SCNN1A: variants seen among roughly 807,000 people sequenced by gnomAD.
SCNN1A encodes the protein sodium channel epithelial 1 subunit alpha, also known as epithelial sodium channel subunit alpha.
Under a neutral mutation model 68.6 loss-of-function variants are expected in SCNN1A, and 65 were observed. The ratio of observed to expected loss-of-function variants is 0.95; its 90% CI spans 0.78 to 1.16. SCNN1A has a LOEUF of 1.16. Among genes scored for constraint, SCNN1A ranks in the 50% most tolerant of loss-of-function variants. The pLI, the probability that SCNN1A is intolerant of heterozygous loss-of-function variation, is 0.00. For missense variants in SCNN1A, 880 were observed against 865.9 expected (o/e 1.02, Z -0.20); for synonymous variants, 357 against 353.3 (o/e 1.01, Z -0.12).
chr12:6,374,457 G>T lies in SCNN1A; in HGVS notation c.327C>A (p.Tyr109Ter). ...YWQFGLLFGE[Y>*]FSYPVSLNIN... ...TGTTGAGGCTGACGGGGTAGCTGAA[G>T]TACTCTCCGAAAAGCAGGCCGAATT... Residue 109 changes from tyrosine (Y) to a stop codon, truncating the protein, a stop_gained, in exon 2 of 13, where the codon TAC becomes TAA. Transcript: ENST00000228916. LOFTEE classifies it high-confidence loss of function. The surrounding 1 kb of genome is among the most constrained non-coding windows in gnomAD (Gnocchi z 6.2). The T allele has an allele frequency of 6.2e-7, 1 of 1,614,238 alleles. No homozygotes were observed. Among genetic ancestry groups the T allele is most frequent in the Non-Finnish European group, 8.5e-7 (1 of 1,180,030 alleles).
chr12:6,363,513 C>T lies in SCNN1A; in HGVS notation c.614G>A (p.Ser205Asn), dbSNP rs147866964. ...PPPHGARRAR[S>N]VASSLRDNNP... ...GTTGTCCCGCAAGCTGGAGGCCACG[C>T]TACGGGCTCGACGGGCCCCGTGAGG... The change falls in exon 3 of 13, where the codon AGC becomes AAC. Residue 205 changes from serine (S) to asparagine (N), a missense_variant. Coordinates refer to ENST00000228916, the MANE Select transcript of SCNN1A (RefSeq NM_001038.6). 1.9e-4 allele frequency: 311 copies of T among 1,609,166 alleles called. No individual in the cohort carries two copies. In the African/African-American group the frequency reaches 3.6e-3, roughly 18 times the overall value.
intron 4 of SCNN1A, 119 bp downstream of exon 4, chr12:6,361,932 C>T: frequency 8.8e-7 from 1 of 1,136,554 alleles, no homozygotes; most frequent in Non-Finnish European, 1.3e-6. Context: ...CCCTGGCCTG[C>T]TGGCACTGGC....
At chr12:6,355,588 C>A (rs1486570810) in intron 5 of SCNN1A, among the ~76,000 whole-genome samples, 153 bp from the exon 6 acceptor site, 1 of 152,190 alleles carries the variant, frequency 6.6e-6, no homozygotes, top group Non-Finnish European at 1.5e-5. Flanking sequence ...AACCCCTGAG[C>A]TGGAATCTGG....
rs534759006 is a variant in SCNN1A at position 6,357,981 on chromosome 12, A to G, written c.876-2101T>C. 2.6e-4 allele frequency among the ~76,000 whole-genome samples: 40 copies of G among 152,318 alleles called. No homozygotes were observed. In the South Asian group the frequency reaches 6.6e-3, roughly 25 times the overall value. Reference sequence around the variant, plus strand: ...CCATTGCACTCCAGCCTGGCCAGTAAGAGTGAAACTCCGTCTCCAAAAGAA... The same window carrying G: ...CCATTGCACTCCAGCCTGGCCAGTAGGAGTGAAACTCCGTCTCCAAAAGAA... On this transcript the variant is annotated intron_variant, in intron 4 of 12. Transcript: ENST00000228916.
At position 6,348,777 on chromosome 12, in the gene SCNN1A, A is replaced by C. The variant is rs752700795; in HGVS notation, c.1579T>G (p.Phe527Val). The change falls in exon 12 of 13, where the codon TTC (phenylalanine) becomes GTC (valine). Residue 527 changes from phenylalanine (F) to valine (V), a missense_variant. Transcript: ENST00000228916. ...GTTTTGTAGTTCAGCTCCTTGAAGA[A>C]GATGTTGACTTTGGCCACTCCATTT... ...KRNGVAKVNI[F>V]FKELNYKTNS... 1 of 1,613,878 alleles carries C rather than the reference A, an allele frequency of 6.2e-7. No individual in the cohort carries two copies. The highest frequency in any genetic ancestry group is 1.1e-5 in the South Asian group (1 of 91,036).
chr12:6,373,018 A>G (rs1948820739), intron 2 of SCNN1A, among the ~76,000 whole-genome samples: 1 of 152,192 alleles, frequency 6.6e-6, no homozygotes, highest in South Asian at 2.1e-4. Context: ...AGATGTGAGA[A>G]TGAAATGAGA....
At chr12:6,358,011 A>AG (rs1360356429) in intron 4 of SCNN1A, among the ~76,000 whole-genome samples, 1 of 152,200 alleles carries the variant, frequency 6.6e-6, no homozygotes, top group Non-Finnish European at 1.5e-5. Flanking sequence ...AAAGAAAAAA[A>AG]AAGAGCACAG....
At chr12:6,354,927 T>G in intron 6 of SCNN1A, 79 bp from the exon 7 acceptor site, 1 of 1,181,840 alleles carries the variant, frequency 8.5e-7, no homozygotes, top group East Asian at 2.3e-5. Context: ...AGTTCCAGGT[T>G]GTATCTCACA....
intron 8 of SCNN1A, among the ~76,000 whole-genome samples, chr12:6,350,302 G>C (rs921767928): frequency 3.3e-5 from 5 of 151,264 alleles, no homozygotes; most frequent in Non-Finnish European, 5.9e-5. Flanking sequence ...CGTGGTGGCG[G>C]GCGCCTGTAG....
intron 4 of SCNN1A, among the ~76,000 whole-genome samples, chr12:6,358,890 C>G (rs940466487): frequency 1.4e-5 from 2 of 147,128 alleles, no homozygotes; most frequent in African/African-American, 2.5e-5. Flanking sequence ...GGTGGTGTAT[C>G]TACACAATAT....
chr12:6,367,107 G>A (rs1246712019), intron 2 of SCNN1A, among the ~76,000 whole-genome samples: 1 of 152,068 alleles, frequency 6.6e-6, no homozygotes, highest in East Asian at 1.9e-4. Context: ...ATGTGGTGGT[G>A]CACACCTGTA....
chr12:6,376,457 G>T (rs1332876745), upstream of SCNN1A, among the ~76,000 whole-genome samples: 1 of 152,210 alleles, frequency 6.6e-6, no homozygotes, highest in East Asian at 1.9e-4. Flanking sequence ...ACACAGACCC[G>T]GAGCCCAGGA....
At chr12:6,376,168 C>G, upstream of SCNN1A, 3 of 985,824 alleles carry the variant, frequency 3.0e-6, no homozygotes, top group Non-Finnish European at 3.6e-6. Context: ...AGGTCTCCTC[C>G]CCGCTCACTA....
intron 4 of SCNN1A, among the ~76,000 whole-genome samples, chr12:6,356,643 T>A (rs1423767620): frequency 6.6e-6 from 1 of 152,044 alleles, no homozygotes; most frequent in African/African-American, 2.4e-5. Flanking sequence ...GAGAAAGCAA[T>A]CACAGAGGCA....
In SCNN1A at chr12:6,349,405, C is replaced by A. The variant is rs72657557; in HGVS notation, c.1361G>T (p.Gly454Val). Residue 454 changes from glycine to valine, a missense_variant and splice_region_variant, in exon 9 of 13, where the codon GGG (glycine) becomes GTG (valine). Gly to Val is a moderately radical substitution (Grantham distance 109). This residue lies in a region of SCNN1A where 758 missense variants were observed against 721.8 expected (regional missense o/e 1.05). Coordinates refer to ENST00000228916, the MANE Select transcript of SCNN1A (RefSeq NM_001038.6). Reference protein sequence around the residue: ...YCDYRKHSSWGYCYYKLQVDF... With the variant: ...YCDYRKHSSWVYCYYKLQVDF... Reference sequence around the variant, plus strand: ...AACCTGGAGCTTATAGTAGCAGTACCCTGTGGGTACAGAGAGATGCCTGTT... The same window carrying A: ...AACCTGGAGCTTATAGTAGCAGTACACTGTGGGTACAGAGAGATGCCTGTT... The A allele has an allele frequency of 2.5e-5, 40 of 1,581,848 alleles. No individual in the cohort carries two copies. In the African/African-American group the frequency reaches 4.7e-4, roughly 19 times the overall value.
At position 6,372,671 on chromosome 12, in the gene SCNN1A, A is replaced by T. The variant is rs1186505037; in HGVS notation, c.416+1697T>A. 6.6e-6 allele frequency among the ~76,000 whole-genome samples: 1 copy of T among 152,106 alleles called. No homozygotes were observed. The highest frequency in any genetic ancestry group is 2.4e-5 in the African/African-American group (1 of 41,414). ...AACCACAAATATTTATTGAGTGCCC[A>T]CTGCCCCGCCTGCTGTCCTTCCCCT... On this transcript the variant is annotated intron_variant, in intron 2 of 12. Coordinates refer to ENST00000228916, the MANE Select transcript of SCNN1A (RefSeq NM_001038.6). The surrounding 1 kb of genome is among the most constrained non-coding windows in gnomAD (Gnocchi z 5.8).
intron 8 of SCNN1A, among the ~76,000 whole-genome samples, chr12:6,352,949 C>T (rs78135629): frequency 6.6e-6 from 1 of 152,250 alleles, no homozygotes; most frequent in East Asian, 1.9e-4. Context: ...CTCCGCCCAC[C>T]CTGTGGGACA....
intron 3 of SCNN1A, among the ~76,000 whole-genome samples, chr12:6,362,539 A>C (rs1048917209): frequency 6.6e-6 from 1 of 152,042 alleles, no homozygotes; most frequent in Non-Finnish European, 1.5e-5. Context: ...TTTCCCTCCC[A>C]TTTCACTGAT....
Position 6,347,810 on chromosome 12 carries a change from C to T in SCNN1A, c.*63G>A, listed in dbSNP as rs188694128. On this transcript the variant is annotated 3_prime_UTR_variant, in exon 13 of 13. Transcript: ENST00000228916. ...AGCCCTGCACATCCTTCAATCTTGC[C>T]AGGGCCAGCACCCTCCCACCAGAGG... The T allele has an allele frequency of 3.5e-6, 5 of 1,434,742 alleles. No homozygotes were observed. In the African/African-American group the frequency reaches 5.6e-5, roughly 16 times the overall value. The allele number at this position is 1,434,742 out of a possible 1,614,324, so 88.9% of individuals were successfully genotyped here.
Sources: gnomAD v4.1 joint callset for allele counts (sites outside exome capture counted in the v4.1 genomes callset) on GRCh38, gnomAD v4.1.1 for gene constraint, gnomAD v4.1.1 regional missense constraint, Gnocchi (gnomAD v3.1) non-coding constraint, MANE v1.5 for transcripts, NCBI Gene and HGNC (gene_info 2026-07-23, HGNC 2026-07-21) for gene names.